The following ERC2 variants were observed in gnomAD, a reference collection of about 807,000 sequenced individuals.
ERC2 encodes ELKS/RAB6-interacting/CAST family member 2.
Under a neutral mutation model 114.8 loss-of-function variants are expected in ERC2, and 42 were observed. The observed-to-expected ratio is 0.37, with a 90% confidence interval of 0.29 to 0.47. The LOEUF is 0.47. Among genes scored for constraint, ERC2 ranks in the 20% least tolerant of loss-of-function variants. ERC2 has a pLI of 0.99. For missense variants in ERC2, 939 were observed against 1,150.7 expected (o/e 0.82, Z 2.66); for synonymous variants, 454 against 425.5 (o/e 1.07, Z -0.82).
intron 16 of ERC2, among the ~76,000 whole-genome samples, chr3:55,687,726 C>T (rs995480109): frequency 6.6e-5 from 10 of 152,198 alleles, no homozygotes; most frequent in African/African-American, 1.9e-4. Flanking sequence ...CAGGACTTTG[C>T]AACGTTTGGC....
rs115952820 is a variant in ERC2, at chr3:56,454,803, G to A, written c.-141+13445C>T. 9.6e-3 allele frequency among the ~76,000 whole-genome samples: 1,399 copies of A among 146,312 alleles called. 9 individuals carry two copies. Among genetic ancestry groups the A allele is most frequent in the Non-Finnish European group, 0.015 (1,041 of 67,346 alleles). On this transcript the variant is annotated intron_variant, in intron 1 of 17. Transcript: ENST00000288221. ...GAGGCAGAGGTTGAGAGGTTGCAGC[G>A]AGCCAAGACTCTGTCACTGCACTCC...
At chr3:55,653,212 T>A (rs1423279973) in intron 17 of ERC2, among the ~76,000 whole-genome samples, 1 of 19,694 alleles carries the variant, frequency 5.1e-5, no homozygotes, top group African/African-American at 1.3e-4. Context: ...ACCATACATA[T>A]ATATTTTATG....
intron 1 of ERC2, among the ~76,000 whole-genome samples, chr3:56,456,069 C>T (rs921280307): frequency 1.3e-5 from 2 of 152,278 alleles, no homozygotes; most frequent in East Asian, 3.9e-4. Context: ...TATGCGTATC[C>T]CTTTCTCTCT....
intron 3 of ERC2, among the ~76,000 whole-genome samples, chr3:56,189,388 T>A (rs1364357613): frequency 1.3e-5 from 2 of 152,190 alleles, no homozygotes; most frequent in Non-Finnish European, 2.9e-5. Context: ...GGCTTCTAAT[T>A]GTCCTAAAAT....
chr3:55,513,678 G>A (rs575836708), intron 17 of ERC2, among the ~76,000 whole-genome samples: 1 of 152,070 alleles, frequency 6.6e-6, no homozygotes, highest in African/African-American at 2.4e-5. Flanking sequence ...GTGTCACCCA[G>A]GCTGGAGTGC....
intron 3 of ERC2, among the ~76,000 whole-genome samples, chr3:56,266,658 G>T (rs988505309): frequency 2.0e-5 from 3 of 152,186 alleles, no homozygotes; most frequent in African/African-American, 7.2e-5. Context: ...CTACTCGGGA[G>T]GCTGAGGTAT....
intron 3 of ERC2, among the ~76,000 whole-genome samples, chr3:56,273,116 C>A (rs79713986): frequency 0.064 from 9,718 of 152,196 alleles, 476 homozygotes; most frequent in Admixed American, 0.15. Context: ...TAAATGATTT[C>A]TTCCTTCCCT....
chr3:55,714,151 G>C (rs755515913), intron 15 of ERC2, among the ~76,000 whole-genome samples: 4 of 152,042 alleles, frequency 2.6e-5, no homozygotes, highest in Non-Finnish European at 5.9e-5. Flanking sequence ...TCTGGAGGTG[G>C]GTAAAATTCA....
intron 17 of ERC2, among the ~76,000 whole-genome samples, chr3:55,670,099 T>A (rs541901447): frequency 1.3e-5 from 2 of 152,128 alleles, no homozygotes; most frequent in African/African-American, 4.8e-5. Flanking sequence ...AAGAACTCCA[T>A]GAGGGAGGAA....
chr3:55,542,415 C>T (rs778195172), intron 17 of ERC2, among the ~76,000 whole-genome samples: 2 of 152,144 alleles, frequency 1.3e-5, no homozygotes, highest in Non-Finnish European at 2.9e-5. Flanking sequence ...GTTAAGCCAG[C>T]CTTGGGACTG....
chr3:56,254,252 GGCTCCTCA>G (rs2052369108), intron 3 of ERC2, among the ~76,000 whole-genome samples: 1 of 152,156 alleles, frequency 6.6e-6, no homozygotes, highest in African/African-American at 2.4e-5. Flanking sequence ...ATACTTCCTT[GGCTCCTCA>G]CATATTCTAA....
chr3:55,617,242 C>T (rs576118851), intron 17 of ERC2, among the ~76,000 whole-genome samples: 26 of 152,310 alleles, frequency 1.7e-4, no homozygotes, highest in African/African-American at 6.0e-4. Context: ...ATTTCCAGTG[C>T]GCCTCTACCT....
At position 55,930,922 on chromosome 3, in the gene ERC2, C is replaced by T. The variant is rs576779146; in HGVS notation, c.2403+19503G>A. On this transcript the variant is annotated intron_variant, in intron 13 of 17. Transcript: ENST00000288221. ...CAAATTTACAGGAAAAAAAACAACC[C>T]CAACAAAATGTGGGTGAAGGATATG... Among the ~76,000 whole-genome samples, 9 of 151,946 alleles carry T rather than the reference C, an allele frequency of 5.9e-5. No individual in the cohort carries two copies. In the South Asian group the frequency reaches 1.9e-3, roughly 32 times the overall value.
chr3:56,421,081 G>A (rs1456176638), intron 2 of ERC2, among the ~76,000 whole-genome samples: 2 of 152,084 alleles, frequency 1.3e-5, no homozygotes, highest in Non-Finnish European at 2.9e-5. Context: ...TCTCTAGGGG[G>A]CACAATGTAG....
At chr3:55,969,972 A>G (rs977949588) in intron 12 of ERC2, among the ~76,000 whole-genome samples, 18 of 152,198 alleles carry the variant, frequency 1.2e-4, no homozygotes, top group African/African-American at 4.3e-4. Context: ...TGGTAGACAT[A>G]AAAACTAAGC....
intron 4 of ERC2, among the ~76,000 whole-genome samples, chr3:56,170,310 G>A (rs943328289): frequency 4.6e-5 from 7 of 152,190 alleles, no homozygotes; most frequent in Admixed American, 4.6e-4. Context: ...GATGCAGGCA[G>A]ATGATATTTC....
intron 17 of ERC2, among the ~76,000 whole-genome samples, chr3:55,683,501 T>A (rs1436520179): frequency 6.6e-6 from 1 of 152,104 alleles, no homozygotes; most frequent in Non-Finnish European, 1.5e-5. Context: ...AAAGTGTGTA[T>A]AAATCCTAGT....
intron 17 of ERC2, among the ~76,000 whole-genome samples, chr3:55,653,285 G>T (rs1486181994): frequency 3.3e-5 from 5 of 151,868 alleles, no homozygotes; most frequent in Non-Finnish European, 7.4e-5. Flanking sequence ...TTTTTCCATA[G>T]TTCACTTTAA....
chr3:56,399,751 A>G (rs2060451397), intron 2 of ERC2, among the ~76,000 whole-genome samples: 1 of 149,738 alleles, frequency 6.7e-6, no homozygotes, highest in Non-Finnish European at 1.5e-5. Flanking sequence ...AAAATTTAGC[A>G]CAAACCTCTC....
Sources: gnomAD v4.1 joint callset for allele counts (sites outside exome capture counted in the v4.1 genomes callset) on GRCh38, gnomAD v4.1.1 for gene constraint, MANE v1.5 for transcripts, NCBI Gene and HGNC (gene_info 2026-07-23, HGNC 2026-07-21) for gene names.